Variants in PDE4B observed in about 807,000 individuals in gnomAD.
The protein encoded by PDE4B is 3',5'-cyclic-AMP phosphodiesterase 4B.
In PDE4B, 20 loss-of-function variants were observed where a neutral mutation model predicts 82.2. The ratio of observed to expected loss-of-function variants is 0.24; its 90% confidence interval spans 0.17 to 0.35. The LOEUF (loss-of-function observed/expected upper bound fraction) is 0.35. Ranked by LOEUF, PDE4B falls within the 10% of genes least tolerant of loss-of-function variation. PDE4B has a pLI of 1.00. For missense variants in PDE4B, 655 were observed against 907.2 expected (o/e 0.72, Z 3.57); for synonymous variants, 320 against 318.9 (o/e 1.00, Z -0.04).
chr1:65,848,389 C>T (rs1358418260), intron 1 of PDE4B, among the ~76,000 whole-genome samples: 2 of 152,130 alleles, frequency 1.3e-5, no homozygotes, highest in African/African-American at 2.4e-5. Context: ...CATGATCTGT[C>T]TGCCTCAGCC....
intron 7 of PDE4B, among the ~76,000 whole-genome samples, chr1:66,318,850 G>C (rs1570683891): frequency 6.6e-6 from 1 of 152,118 alleles, no homozygotes; most frequent in Non-Finnish European, 1.5e-5. Context: ...TCTGACCAGA[G>C]ACTAGCCACA....
chr1:65,805,444 A>C (rs1645744339), intron 1 of PDE4B, among the ~76,000 whole-genome samples: 1 of 152,162 alleles, frequency 6.6e-6, no homozygotes, highest in Non-Finnish European at 1.5e-5. Flanking sequence ...TGAAAGAGAG[A>C]CTGGGATATT....
chr1:66,096,297 CT>C (rs879672865), intron 3 of PDE4B, among the ~76,000 whole-genome samples: 2 of 151,364 alleles, frequency 1.3e-5, no homozygotes, highest in Admixed American at 6.6e-5. Context: ...GGTTTTTTCA[CT>C]GAAACTGCTT....
chr1:65,920,437 G>A (rs1160041682), intron 3 of PDE4B, among the ~76,000 whole-genome samples: 1 of 152,158 alleles, frequency 6.6e-6, no homozygotes, highest in Non-Finnish European at 1.5e-5. Flanking sequence ...ACAGTGCCTT[G>A]TAAAGTTTGA....
At chr1:66,368,119 C>A in intron 15 of PDE4B, 54 bp downstream of exon 15, 2 of 1,573,002 alleles carry the variant, frequency 1.3e-6, no homozygotes, top group East Asian at 2.2e-5. Flanking sequence ...CTAAGCTGAA[C>A]AACAATTAGA....
chr1:66,070,055 TAC>T (rs1656072999), intron 3 of PDE4B, among the ~76,000 whole-genome samples: 1 of 152,036 alleles, frequency 6.6e-6, no homozygotes, highest in African/African-American at 2.4e-5. Flanking sequence ...GATCAGGGTA[TAC>T]ACAGTGTTTC....
At chr1:65,866,485 G>A (rs1430389504) in intron 1 of PDE4B, among the ~76,000 whole-genome samples, 1 of 152,132 alleles carries the variant, frequency 6.6e-6, no homozygotes, top group Non-Finnish European at 1.5e-5. Flanking sequence ...TGGTAATGAT[G>A]ATAAGTGGTT....
chr1:66,109,166 A>G (rs1645431978), intron 3 of PDE4B, among the ~76,000 whole-genome samples: 1 of 151,990 alleles, frequency 6.6e-6, no homozygotes, highest in Non-Finnish European at 1.5e-5. Flanking sequence ...CATATCTAAA[A>G]TAGACCAACA....
intron 7 of PDE4B, among the ~76,000 whole-genome samples, chr1:66,321,201 T>C (rs189031269): frequency 1.3e-5 from 2 of 152,332 alleles, no homozygotes; most frequent in African/African-American, 4.8e-5. Flanking sequence ...CACTGGGCTC[T>C]TGTGAGTTGA....
intron 3 of PDE4B, among the ~76,000 whole-genome samples, chr1:65,935,442 G>T (rs1454910370): frequency 1.3e-5 from 2 of 151,910 alleles, no homozygotes; most frequent in African/African-American, 4.8e-5. Context: ...TATAGCTCTG[G>T]GTGAGTCAGT....
chr1:65,899,745 A>G (rs1305491625), intron 1 of PDE4B, among the ~76,000 whole-genome samples: 1 of 151,316 alleles, frequency 6.6e-6, no homozygotes, highest in Non-Finnish European at 1.5e-5. Context: ...CCTGGACGAC[A>G]TTGGAGACAT....
At chr1:65,960,092 T>G (rs1490004555) in intron 3 of PDE4B, among the ~76,000 whole-genome samples, 1 of 152,168 alleles carries the variant, frequency 6.6e-6, no homozygotes, top group Non-Finnish European at 1.5e-5. Flanking sequence ...CATTTGCTAT[T>G]TTTAGCTCTT....
chr1:66,114,380 GA>G (rs1003489955), intron 3 of PDE4B, among the ~76,000 whole-genome samples: 30 of 152,268 alleles, frequency 2.0e-4, no homozygotes, highest in Admixed American at 1.8e-3. Flanking sequence ...TTAAGTTTCT[GA>G]AGGTTCTGCA....
intron 3 of PDE4B, among the ~76,000 whole-genome samples, chr1:66,083,705 A>G (rs373204740): frequency 3.3e-5 from 5 of 152,266 alleles, no homozygotes; most frequent in African/African-American, 9.6e-5. Context: ...ACCTTAAATT[A>G]TCTCCATAAC....
intron 7 of PDE4B, among the ~76,000 whole-genome samples, chr1:66,302,841 G>T (rs570974401): frequency 6.6e-6 from 1 of 152,224 alleles, no homozygotes; most frequent in East Asian, 1.9e-4. Flanking sequence ...ATAGACACTG[G>T]TGCTCTTCTC....
chr1:65,924,891 C>A (rs978006819), intron 3 of PDE4B, among the ~76,000 whole-genome samples: 3 of 152,208 alleles, frequency 2.0e-5, no homozygotes, highest in Admixed American at 1.3e-4. Flanking sequence ...AGAGACTGAG[C>A]AAGACAGAGG....
intron 3 of PDE4B, among the ~76,000 whole-genome samples, chr1:66,148,008 T>C (rs576430542): frequency 6.6e-6 from 1 of 152,280 alleles, no homozygotes; most frequent in Admixed American, 6.5e-5. Context: ...TGGTGGCTTA[T>C]GCCTGTAATC....
chr1:66,034,960 G>T (rs1653988400), intron 3 of PDE4B, among the ~76,000 whole-genome samples: 3 of 152,030 alleles, frequency 2.0e-5, no homozygotes, highest in Admixed American at 2.0e-4. Context: ...TTCCCTTTTA[G>T]GTTACCATCT....
intron 3 of PDE4B, among the ~76,000 whole-genome samples, chr1:66,095,785 G>A (rs1280571244): frequency 6.6e-6 from 1 of 151,790 alleles, no homozygotes; most frequent in African/African-American, 2.4e-5. Flanking sequence ...TGTTTCTTCT[G>A]TATCCTCGAG....
Sources: allele counts gnomAD v4.1 joint callset (sites outside exome capture counted in the v4.1 genomes callset), GRCh38; gene constraint gnomAD v4.1.1; transcripts MANE v1.5; gene names NCBI Gene and HGNC (gene_info 2026-07-23, HGNC 2026-07-21).